The following HS6ST3 variants were observed in gnomAD, a reference collection of about 807,000 sequenced individuals.
HS6ST3 encodes the protein heparan-sulfate 6-O-sulfotransferase 3.
Under a neutral mutation model 36.7 loss-of-function variants are expected in HS6ST3, and 12 were observed. The observed-to-expected ratio is 0.33, with a 90% CI of 0.21 to 0.53. The LOEUF (loss-of-function observed/expected upper bound fraction) is 0.53, where lower values mean the gene tolerates loss of function less well. HS6ST3 is among the 20% of genes least tolerant of loss of function. The probability of loss-of-function intolerance (pLI) is 0.95; values close to 1 mark genes in which losing one functional copy is unlikely to be tolerated. For synonymous variants in HS6ST3, 240 were observed against 257.5 expected (o/e 0.93, Z 0.65); for missense variants, 584 against 640.9 (o/e 0.91, Z 0.96).
chr13:96,435,648 T>G (rs1199013265), intron 1 of HS6ST3, among the ~76,000 whole-genome samples: 1 of 152,214 alleles, frequency 6.6e-6, no homozygotes, highest in Non-Finnish European at 1.5e-5. Context: ...GTTAAGTGAA[T>G]AGATGGAGAA....
chr13:96,182,754 G>A (rs2054245674), intron 1 of HS6ST3, among the ~76,000 whole-genome samples: 1 of 151,866 alleles, frequency 6.6e-6, no homozygotes, highest in Admixed American at 6.6e-5. Flanking sequence ...CTAATACTTA[G>A]TTGCAAAATG....
chr13:96,127,165 A>G (rs978983305), intron 1 of HS6ST3, among the ~76,000 whole-genome samples: 7 of 152,192 alleles, frequency 4.6e-5, no homozygotes, highest in Non-Finnish European at 7.3e-5. Flanking sequence ...AGATGAGGTC[A>G]TGGGGGTGGA....
chr13:96,631,864 A>G (rs2056533091), intron 1 of HS6ST3, among the ~76,000 whole-genome samples: 1 of 152,216 alleles, frequency 6.6e-6, no homozygotes, highest in Non-Finnish European at 1.5e-5. Flanking sequence ...TGAAATCAAA[A>G]TCAGAGACTC....
At chr13:96,754,248 A>T (rs892058792) in intron 1 of HS6ST3, among the ~76,000 whole-genome samples, 1 of 152,178 alleles carries the variant, frequency 6.6e-6, no homozygotes, top group Non-Finnish European at 1.5e-5. Context: ...TTCTTCATCA[A>T]TCGAGAAGAT....
chr13:96,267,090 C>G (rs1006837055), intron 1 of HS6ST3, among the ~76,000 whole-genome samples: 2 of 152,152 alleles, frequency 1.3e-5, no homozygotes, highest in Non-Finnish European at 2.9e-5. Flanking sequence ...GTGAATAAGT[C>G]TCACAAGATC....
At chr13:96,461,194 A>G (rs1399220797) in intron 1 of HS6ST3, among the ~76,000 whole-genome samples, 1 of 152,168 alleles carries the variant, frequency 6.6e-6, no homozygotes, top group African/African-American at 2.4e-5. Flanking sequence ...TTATCTGTGT[A>G]TTTATTTACT....
intron 1 of HS6ST3, among the ~76,000 whole-genome samples, chr13:96,483,957 C>T (rs865902090): frequency 2.6e-5 from 4 of 152,162 alleles, no homozygotes; most frequent in Admixed American, 6.6e-5. Flanking sequence ...TTCAGTTTCT[C>T]ACATGAGGAT....
In HS6ST3 at chr13:96,381,410, G is replaced by GTATCTATCTATCTATCTATCTATC. The variant is rs78957056; in HGVS notation, c.707+289846_707+289869dup. On this transcript the variant is annotated intron_variant, in intron 1 of 1. Transcript: ENST00000376705. The stretch of plus-strand genomic sequence containing the variant: ...TGTATCTATGTATCTATGTATCTAT[G>GTATCTATCTATCTATCTATCTATC]TATCTATCTATCTATCTATCTATCT... Among the ~76,000 whole-genome samples the GTATCTATCTATCTATCTATCTATC allele has an allele frequency of 7.9e-3, 1,089 of 138,674 alleles. 8 individuals are homozygous for GTATCTATCTATCTATCTATCTATC. The highest frequency in any genetic ancestry group is 0.016 in the African/African-American group (617 of 38,950). The allele number at this position is 138,674 out of a possible 152,430, so 91.0% of individuals were successfully genotyped here.
intron 1 of HS6ST3, among the ~76,000 whole-genome samples, chr13:96,741,727 T>C (rs1466939452): frequency 1.3e-5 from 2 of 152,182 alleles, no homozygotes; most frequent in African/African-American, 4.8e-5. Flanking sequence ...AGAAAATGTA[T>C]TAGTTCCTTT....
At chr13:96,562,022 G>T (rs2056264092) in intron 1 of HS6ST3, among the ~76,000 whole-genome samples, 1 of 152,146 alleles carries the variant, frequency 6.6e-6, no homozygotes, top group African/African-American at 2.4e-5. Flanking sequence ...CAATCCCATT[G>T]CTGGGTATAT....
intron 1 of HS6ST3, among the ~76,000 whole-genome samples, chr13:96,344,602 G>A (rs16953115): frequency 0.014 from 2,182 of 152,330 alleles, 26 homozygotes; most frequent in East Asian, 0.055. Context: ...GCATTTTGGT[G>A]TGTGTTTATT....
intron 1 of HS6ST3, among the ~76,000 whole-genome samples, chr13:96,490,260 T>A (rs2055937964): frequency 6.6e-6 from 1 of 152,152 alleles, no homozygotes; most frequent in Admixed American, 6.5e-5. Context: ...AACTGTTACA[T>A]GTTTATGGTG....
chr13:96,547,554 T>G (rs1285480122), intron 1 of HS6ST3, among the ~76,000 whole-genome samples: 1 of 152,200 alleles, frequency 6.6e-6, no homozygotes, highest in African/African-American at 2.4e-5. Flanking sequence ...CTTTAGTGGT[T>G]TCCTTGTTTA....
At chr13:96,709,277 A>T (rs1875503822) in intron 1 of HS6ST3, among the ~76,000 whole-genome samples, 1 of 152,076 alleles carries the variant, frequency 6.6e-6, no homozygotes, top group African/African-American at 2.4e-5. Flanking sequence ...AGTCAATTAC[A>T]CCTCTTTTGT....
intron 1 of HS6ST3, among the ~76,000 whole-genome samples, chr13:96,328,720 C>CAATAG (rs1180501783): frequency 3.3e-5 from 5 of 152,174 alleles, no homozygotes; most frequent in Non-Finnish European, 7.3e-5. Flanking sequence ...AGGATTCCCT[C>CAATAG]TTTTTCTATT....
chr13:96,493,717 TAA>T (rs751459784), intron 1 of HS6ST3, among the ~76,000 whole-genome samples: 1 of 152,210 alleles, frequency 6.6e-6, no homozygotes, highest in Non-Finnish European at 1.5e-5. Context: ...GAAAAAAGGA[TAA>T]AGTTTTCTCT....
chr13:96,494,657 A>G (rs1467376258), intron 1 of HS6ST3, among the ~76,000 whole-genome samples: 1 of 151,920 alleles, frequency 6.6e-6, no homozygotes, highest in Non-Finnish European at 1.5e-5. Context: ...TCCTGTTTCA[A>G]AACACACACA....
intron 1 of HS6ST3, among the ~76,000 whole-genome samples, chr13:96,283,410 A>G (rs1242361656): frequency 6.6e-6 from 1 of 152,176 alleles, no homozygotes; most frequent in Non-Finnish European, 1.5e-5. Flanking sequence ...AATGTTTATC[A>G]TGTAATATTT....
chr13:96,147,360 G>C (rs1448877698), intron 1 of HS6ST3, among the ~76,000 whole-genome samples: 1 of 152,146 alleles, frequency 6.6e-6, no homozygotes, highest in Non-Finnish European at 1.5e-5. Flanking sequence ...GAGGTTCCCT[G>C]GTTTTGGTTG....
Sources: allele counts gnomAD v4.1 joint callset (sites outside exome capture counted in the v4.1 genomes callset), GRCh38; gene constraint gnomAD v4.1.1; transcripts MANE v1.5; gene names NCBI Gene and HGNC (gene_info 2026-07-23, HGNC 2026-07-21).